Variants in TSPAN14 observed in about 807,000 individuals in gnomAD.
The protein encoded by TSPAN14 is tetraspanin-14.
In TSPAN14, 16 loss-of-function variants were observed where a neutral mutation model predicts 36.6. The observed-to-expected ratio is 0.44, with a 90% CI of 0.30 to 0.66. The LOEUF is 0.66. Ranked by LOEUF, TSPAN14 falls within the 30% of genes least tolerant of loss-of-function variation. The probability of loss-of-function intolerance (pLI) is 0.12; values close to 1 mark genes in which losing one functional copy is unlikely to be tolerated. For synonymous variants in TSPAN14, 139 were observed against 143.8 expected (o/e 0.97, Z 0.24); for missense variants, 231 against 355.1 (o/e 0.65, Z 2.81).
At chr10:80,521,095 T>A (rs146235717) in exon 9 of TSPAN14, 2 of 308,474 alleles carry the variant, frequency 6.5e-6, no homozygotes, top group Non-Finnish European at 1.3e-5. Flanking sequence ...GTGGAATTTC[T>A]CTGGGAGATT....
At chr10:80,483,243 G>T (rs1406843348) in intron 1 of TSPAN14, among the ~76,000 whole-genome samples, 1 of 152,124 alleles carries the variant, frequency 6.6e-6, no homozygotes, top group Admixed American at 6.6e-5. Flanking sequence ...ACCAGCAGCG[G>T]CCCCATTTTC....
intron 2 of TSPAN14, among the ~76,000 whole-genome samples, chr10:80,500,314 C>CTTTTTTTTTT (rs144759161): frequency 2.5e-4 from 12 of 47,860 alleles, no homozygotes; most frequent in Non-Finnish European, 2.9e-4. Flanking sequence ...AGGCCTTATT[C>CTTTTTTTTTT]TTTTTTTTTT....
intron 1 of TSPAN14, among the ~76,000 whole-genome samples, chr10:80,465,736 A>T (rs1206795299): frequency 6.6e-6 from 1 of 152,170 alleles, no homozygotes; most frequent in Non-Finnish European, 1.5e-5. Flanking sequence ...GGCACAAAGG[A>T]TGCTCGTTCT....
At chr10:80,504,227 T>C (rs1840161222) in intron 2 of TSPAN14, among the ~76,000 whole-genome samples, 1 of 152,104 alleles carries the variant, frequency 6.6e-6, no homozygotes, top group South Asian at 2.1e-4. Context: ...GTGCCTGGAG[T>C]CTATCTCCAG....
chr10:80,520,741 C>T (rs529966968), exon 9 of TSPAN14: 2 of 533,490 alleles, frequency 3.7e-6, no homozygotes, highest in African/African-American at 1.9e-5. Flanking sequence ...TGTCTGTACC[C>T]CTTCCTTTGC....
chr10:80,503,277 C>T (rs868329422), intron 2 of TSPAN14, among the ~76,000 whole-genome samples: 8 of 152,162 alleles, frequency 5.3e-5, no homozygotes, highest in Middle Eastern at 3.4e-3. Flanking sequence ...GACTGAGAAG[C>T]GGGAAAAGGG....
exon 9 of TSPAN14, chr10:80,518,424 T>C (rs11553840): frequency 0.041 from 7,472 of 180,256 alleles, 199 homozygotes; most frequent in Admixed American, 0.07. Context: ...AGGGCATCTC[T>C]CTCCATCAAG....
intron 7 of TSPAN14, chr10:80,515,565 C>T (rs1840891109): frequency 6.6e-6 from 1 of 152,424 alleles, no homozygotes; most frequent in African/African-American, 2.4e-5. Flanking sequence ...AATTTAGCTC[C>T]TAACACCTCT....
At chr10:80,500,060 G>T (rs1248124847) in intron 2 of TSPAN14, among the ~76,000 whole-genome samples, 1 of 152,120 alleles carries the variant, frequency 6.6e-6, no homozygotes, top group Non-Finnish European at 1.5e-5. Context: ...GTTCCGTGGG[G>T]TGAAGCGGGC....
chr10:80,467,437 G>C (rs1195333195), intron 1 of TSPAN14, among the ~76,000 whole-genome samples: 1 of 152,166 alleles, frequency 6.6e-6, no homozygotes, highest in Non-Finnish European at 1.5e-5. Flanking sequence ...TTTGAATTCG[G>C]GCTTACTGGG....
In TSPAN14 at chr10:80,512,871, TTTGTTGTTGTTGTTG is replaced by T. The variant is rs147443704; in HGVS notation, c.576+617_576+631del. ...ACCACACCCGGCTAATTATTTTCTG[TTTGTTGTTGTTGTTG>T]TTGTTGTTGTTGTTTGGTTTTATTT... On this transcript the variant is annotated intron_variant, in intron 6 of 8. Coordinates refer to ENST00000429989, the Ensembl canonical transcript of TSPAN14. Among the ~76,000 whole-genome samples the T allele has an allele frequency of 2.4e-4, 36 of 150,426 alleles. No homozygotes were observed. The East Asian group carries it at 5.7e-3, about 24-fold the overall frequency.
At chr10:80,455,941 T>G (rs1178066851) in intron 1 of TSPAN14, among the ~76,000 whole-genome samples, 1 of 152,188 alleles carries the variant, frequency 6.6e-6, no homozygotes, top group Non-Finnish European at 1.5e-5. Flanking sequence ...CCACCAGATG[T>G]ATTTTCCCTT....
chr10:80,455,529 C>T (rs987096346), intron 1 of TSPAN14, among the ~76,000 whole-genome samples: 1 of 152,104 alleles, frequency 6.6e-6, no homozygotes, highest in African/African-American at 2.4e-5. Context: ...GTAGCCTTCC[C>T]CTTGCCCCTT....
chr10:80,509,425 G>C lies in TSPAN14; in HGVS notation c.404G>C (p.Arg135Pro). Residue 135 changes from arginine to proline, a missense_variant, in exon 5 of 9, where the codon CGG (arginine) becomes CCG (proline). By Grantham distance (103) the Arg-to-Pro change is moderately radical. Transcript: ENST00000429989. The surrounding 1 kb of genome is among the most constrained non-coding windows in gnomAD (Gnocchi z 4.7). ...TTCGAGAGCAACATCAAGTCCTACC[G>C]GGACGATATCGATCTGCAAAACCTC... 6.2e-7 allele frequency: 1 copy of C among 1,614,116 alleles called. No homozygotes were observed. Among genetic ancestry groups the C allele is most frequent in the Non-Finnish European group, 8.5e-7 (1 of 1,180,020 alleles).
intron 2 of TSPAN14, among the ~76,000 whole-genome samples, chr10:80,502,922 G>A (rs1371603065): frequency 6.6e-6 from 1 of 152,110 alleles, no homozygotes; most frequent in Non-Finnish European, 1.5e-5. Context: ...TCTGAAGGAG[G>A]AGGAGGAGGA....
At chr10:80,481,376 G>A (rs1319693083) in intron 1 of TSPAN14, among the ~76,000 whole-genome samples, 1 of 152,044 alleles carries the variant, frequency 6.6e-6, no homozygotes, top group Non-Finnish European at 1.5e-5. Context: ...TCAAATTTTC[G>A]GTTAAATATT....
At chr10:80,518,114 C>T in exon 9 of TSPAN14, 1 of 883,412 alleles carries the variant, frequency 1.1e-6, no homozygotes, top group African/African-American at 1.7e-5. Context: ...GTGACGTGAC[C>T]TCTCTGTTTC....
intron 1 of TSPAN14, among the ~76,000 whole-genome samples, chr10:80,454,578 C>T (rs1845644606): frequency 6.6e-6 from 1 of 151,894 alleles, no homozygotes; most frequent in Non-Finnish European, 1.5e-5. Context: ...GGTTGGAGGC[C>T]TCCGCCGGGA....
chr10:80,488,684 T>A (rs1289078554), intron 1 of TSPAN14, among the ~76,000 whole-genome samples: 1 of 152,144 alleles, frequency 6.6e-6, no homozygotes, highest in South Asian at 2.1e-4. Context: ...CTGGGCACAG[T>A]TGGATCATGT....
Sources: gnomAD v4.1 joint callset for allele counts (sites outside exome capture counted in the v4.1 genomes callset) on GRCh38, gnomAD v4.1.1 for gene constraint, Gnocchi (gnomAD v3.1) non-coding constraint, MANE v1.5 for transcripts, NCBI Gene and HGNC (gene_info 2026-07-23, HGNC 2026-07-21) for gene names.